The following CHODL variants were observed in gnomAD, a reference collection of about 807,000 sequenced individuals.
CHODL encodes the protein chondrolectin.
In CHODL, 29 loss-of-function variants were observed where a neutral mutation model predicts 34.5. That is an observed-to-expected ratio of 0.84 (90% confidence interval 0.63 to 1.15). The LOEUF is 1.15. Among genes scored for constraint, CHODL ranks in the 50% most tolerant of loss-of-function variants. The pLI is 0.00. For missense variants in CHODL, 332 were observed against 332.5 expected (o/e 1.00, Z 0.01); for synonymous variants, 125 against 116.1 (o/e 1.08, Z -0.49).
At position 18,267,169 on chromosome 21, in the gene CHODL, A is replaced by C. The variant is rs1338269403; in HGVS notation, c.*1131A>C. The stretch of plus-strand genomic sequence containing the variant: ...GGAAAGGAACTACGAAATCGTGTGA[A>C]AATGGGTTGGAACCCATCAGTGATC... On this transcript the variant is annotated 3_prime_UTR_variant, in exon 6 of 6. Transcript: ENST00000299295. 6.6e-6 allele frequency: 1 copy of C among 152,218 alleles called. No individual in the cohort carries two copies. Among genetic ancestry groups the C allele is most frequent in the Admixed American group, 6.5e-5 (1 of 15,276 alleles). 9.4% of individuals were successfully genotyped at this position (152,218 alleles called of 1,614,324 possible).
At chr21:18,127,754 G>T (rs2146588456) in intron 2 of CHODL, among the ~76,000 whole-genome samples, 1 of 133,198 alleles carries the variant, frequency 7.5e-6, no homozygotes, top group Admixed American at 8.4e-5. Flanking sequence ...TCAGAAGTTT[G>T]GGCACAGCTT....
rs1309754347 is a variant in CHODL at position 18,266,242 on chromosome 21, T to C, written c.*204T>C. On this transcript the variant is annotated 3_prime_UTR_variant, in exon 6 of 6. Coordinates refer to ENST00000299295, the MANE Select transcript of CHODL (RefSeq NM_024944.3). ...GCTGTGCTAATAATGGAGTGAGACA[T>C]GCTTATTTTGCTAAAGGATGCACCC... 1 of 1,473,288 alleles carries C rather than the reference T, an allele frequency of 6.8e-7. No homozygotes were observed. The highest frequency in any genetic ancestry group is 2.5e-5 in the East Asian group (1 of 40,236). The allele number at this position is 1,473,288 out of a possible 1,614,324, so 91.3% of individuals were successfully genotyped here. A position where few individuals can be genotyped will look rare whatever the true frequency, so the allele number is the denominator to read the frequency against.
Position 18,261,613 on chromosome 21 carries a change from G to A in CHODL, c.635-1178G>A, listed in dbSNP as rs533215431. On this transcript the variant is annotated intron_variant, in intron 4 of 5. Coordinates refer to ENST00000299295, the MANE Select transcript of CHODL (RefSeq NM_024944.3). ...AACTGGGAGGCAGAGGTTACAGTGA[G>A]CCAAGATTGCGCCATGCACTCTGGC... Among the ~76,000 whole-genome samples the A allele has an allele frequency of 3.1e-4, 47 of 152,214 alleles. 2 individuals are homozygous for A. The South Asian group carries it at 9.5e-3, about 31-fold the overall frequency.
intron 4 of CHODL, among the ~76,000 whole-genome samples, chr21:18,261,099 A>C (rs922646109): frequency 1.3e-5 from 2 of 152,198 alleles, no homozygotes; most frequent in African/African-American, 4.8e-5. Context: ...AGTGATGCGC[A>C]GTTAAATGTA....
intron 1 of CHODL, among the ~76,000 whole-genome samples, chr21:17,973,417 C>CTTTTT (rs3077803): frequency 4.5e-4 from 55 of 123,458 alleles, no homozygotes; most frequent in Non-Finnish European, 6.7e-4. Context: ...TTCTTTCTTT[C>CTTTTT]TTTTTTTTTT....
rs1375781422 is a variant in CHODL, at chr21:18,102,240, A to G, written c.-45+74269A>G. 2.0e-5 allele frequency among the ~76,000 whole-genome samples: 3 copies of G among 152,284 alleles called. 1 individual carries two copies. The highest frequency in any genetic ancestry group is 4.1e-4 in the South Asian group (2 of 4,820). ...CAACATCTTGGTTATCATTTTGTCAATCATCCAGGGAACGCCCAACACTTC... is the reference window on the plus strand; with the variant it reads ...CAACATCTTGGTTATCATTTTGTCAGTCATCCAGGGAACGCCCAACACTTC... On this transcript the variant is annotated intron_variant, in intron 2 of 6. Coordinates refer to the CHODL transcript ENST00000400127.
chr21:18,063,107 T>A (rs1330700157), intron 2 of CHODL, among the ~76,000 whole-genome samples: 1 of 152,204 alleles, frequency 6.6e-6, no homozygotes, highest in Non-Finnish European at 1.5e-5. Context: ...AGAATTAGCA[T>A]ATATCCAACA....
At chr21:17,995,775 G>T (rs1347367155) in intron 1 of CHODL, among the ~76,000 whole-genome samples, 1 of 152,222 alleles carries the variant, frequency 6.6e-6, no homozygotes, top group Non-Finnish European at 1.5e-5. Flanking sequence ...GGATCAGTCA[G>T]AACTGGGTTT....
intron 1 of CHODL, among the ~76,000 whole-genome samples, chr21:18,016,963 T>C (rs2064080851): frequency 6.6e-6 from 1 of 152,262 alleles, no homozygotes; most frequent in Non-Finnish European, 1.5e-5. Flanking sequence ...TTTGGCCAAT[T>C]TATCCCATTT....
intron 2 of CHODL, among the ~76,000 whole-genome samples, chr21:18,067,109 T>C (rs1357424465): frequency 6.6e-6 from 1 of 152,238 alleles, no homozygotes; most frequent in East Asian, 1.9e-4. Context: ...TGTGAGAGGC[T>C]CCTTGCAGGC....
rs375143460 is a variant in CHODL at position 17,918,275 on chromosome 21, A to AT, written c.-145+879dup. Among the ~76,000 whole-genome samples, 1,216 of 152,180 alleles carry AT rather than the reference A, an allele frequency of 8.0e-3. 18 individuals carry two copies. The highest frequency in any genetic ancestry group is 0.027 in the African/African-American group (1,121 of 41,510). On this transcript the variant is annotated intron_variant, in intron 1 of 6. Transcript: ENST00000400127. ...AATTACCTAACTTTTCTGTGCCACA[A>AT]TTTTCCATCTGTAAAGTAGTTATTA...
At chr21:17,924,112 G>T (rs2063205320) in intron 1 of CHODL, among the ~76,000 whole-genome samples, 1 of 152,210 alleles carries the variant, frequency 6.6e-6, no homozygotes. Context: ...GGCTGGAGGT[G>T]CCTCTGCCCG....
intron 2 of CHODL, among the ~76,000 whole-genome samples, chr21:18,172,329 G>T (rs2073241973): frequency 6.6e-6 from 1 of 152,188 alleles, no homozygotes; most frequent in African/African-American, 2.4e-5. Context: ...GTGAGTGGAG[G>T]TTTCCGGAGA....
At chr21:18,179,235 T>C (rs1279581524) in intron 2 of CHODL, among the ~76,000 whole-genome samples, 2 of 152,176 alleles carry the variant, frequency 1.3e-5, no homozygotes, top group Admixed American at 6.5e-5. Flanking sequence ...GGTCTCTATT[T>C]GTTCCACTTG....
chr21:17,968,442 G>T (rs1391270940), intron 1 of CHODL, among the ~76,000 whole-genome samples: 3 of 152,152 alleles, frequency 2.0e-5, no homozygotes, highest in African/African-American at 7.2e-5. Flanking sequence ...TGGAACTGAT[G>T]TGCTTGTTTG....
intron 2 of CHODL, among the ~76,000 whole-genome samples, chr21:18,028,255 TTTCTTTTTCTTTTTCCTTTTCCCCTTCC>T (rs2064200589): frequency 1.4e-5 from 1 of 69,744 alleles, no homozygotes; most frequent in Non-Finnish European, 2.8e-5. Context: ...CCCTTTTCCT[TTTCTTTTTCTTTTTCCTTTTCCCCTTCC>T]TTCCTTCCTT....
intron 2 of CHODL, among the ~76,000 whole-genome samples, chr21:18,167,305 T>G (rs1038063396): frequency 7.1e-6 from 1 of 140,888 alleles, no homozygotes; most frequent in African/African-American, 2.7e-5. Context: ...TGTTTTCTAT[T>G]AAGATTTTTT....
intron 1 of CHODL, among the ~76,000 whole-genome samples, chr21:17,977,743 T>A (rs1180212021): frequency 6.8e-6 from 1 of 147,748 alleles, no homozygotes; most frequent in Admixed American, 6.7e-5. Context: ...ATGGTGAAAC[T>A]CTGTCTCTAC....
intron 2 of CHODL, among the ~76,000 whole-genome samples, chr21:18,140,927 A>C (rs966751747): frequency 2.0e-5 from 3 of 152,106 alleles, no homozygotes; most frequent in African/African-American, 7.2e-5. Context: ...ACTAAGATTC[A>C]GAATGTTCTG....
Sources: allele counts gnomAD v4.1 joint callset (sites outside exome capture counted in the v4.1 genomes callset), GRCh38; gene constraint gnomAD v4.1.1; transcripts MANE v1.5; gene names NCBI Gene and HGNC (gene_info 2026-07-23, HGNC 2026-07-21).